Variants in GRM1 observed in about 807,000 individuals in gnomAD.
The protein encoded by GRM1 is glutamate metabotropic receptor 1.
A neutral mutation model predicts 90.9 loss-of-function variants in GRM1; 33 were observed. That is an observed-to-expected ratio of 0.36 (90% CI 0.28 to 0.49). GRM1 has a LOEUF of 0.49. Among genes scored for constraint, GRM1 ranks in the 20% least tolerant of loss-of-function variants. GRM1 has a pLI of 0.99. For synonymous variants in GRM1, 700 were observed against 613.2 expected (o/e 1.14, Z -2.09); for missense variants, 1,190 against 1,534.3 (o/e 0.78, Z 3.75).
chr6:146,203,126 G>A (rs1583159510), intron 2 of GRM1, among the ~76,000 whole-genome samples: 1 of 151,758 alleles, frequency 6.6e-6, no homozygotes, highest in Non-Finnish European at 1.5e-5. Flanking sequence ...CCCGGGAGGC[G>A]GAGCTTGCAG....
chr6:146,366,567 C>G (rs1775698112), intron 5 of GRM1, among the ~76,000 whole-genome samples: 1 of 152,126 alleles, frequency 6.6e-6, no homozygotes. Flanking sequence ...ACTTTTAAAA[C>G]TCCCACATAT....
chr6:146,249,354 G>A (rs1781190388), intron 2 of GRM1, among the ~76,000 whole-genome samples: 4 of 152,142 alleles, frequency 2.6e-5, no homozygotes, highest in Admixed American at 2.6e-4. Context: ...TTCATGGGAT[G>A]GGCCCATGAC....
In GRM1 at chr6:146,029,123, CA is replaced by C. The variant is rs1163643158; in HGVS notation, c.-394del. 3.2e-5 allele frequency: 10 copies of C among 315,814 alleles called. No homozygotes were observed. Among genetic ancestry groups the C allele is most frequent in the Middle Eastern group, 1.1e-3 (1 of 918 alleles). The allele number at this position is 315,814 out of a possible 1,614,324, so 19.6% of individuals were successfully genotyped here. A position where few individuals can be genotyped will look rare whatever the true frequency, so the allele number is the denominator to read the frequency against. On this transcript the variant is annotated 5_prime_UTR_variant, in exon 1 of 8. It introduces an in-frame stop codon into an upstream open reading frame of the 5' UTR. Transcript: ENST00000282753. ...ATGAAACGGACAAGGCAACTGTTAA[CA>C]TTATAGACCCCAGAGTTTTAACACA...
Position 146,072,149 on chromosome 6 carries a change from G to T in GRM1, c.700+41932G>T, listed in dbSNP as rs139075951. On this transcript the variant is annotated intron_variant, in intron 1 of 7. Transcript: ENST00000282753. ...CCTGAGGAAGCAGTGGTGTTGCTCT[G>T]GTTGATAATCTGCATTCTTTGTATC... 1.3e-3 allele frequency among the ~76,000 whole-genome samples: 201 copies of T among 152,252 alleles called. 2 individuals carry two copies. Among genetic ancestry groups the T allele is most frequent in the African/African-American group, 4.7e-3 (195 of 41,560 alleles).
chr6:146,194,479 C>G (rs374898858), intron 2 of GRM1, among the ~76,000 whole-genome samples: 12 of 152,198 alleles, frequency 7.9e-5, no homozygotes, highest in Admixed American at 5.2e-4. Flanking sequence ...ACATCAGGGG[C>G]AACTTTTGCA....
chr6:146,190,794 T>C (rs1583139840), intron 2 of GRM1, among the ~76,000 whole-genome samples: 2 of 152,190 alleles, frequency 1.3e-5, no homozygotes, highest in Non-Finnish European at 2.9e-5. Flanking sequence ...AACCTCCTAA[T>C]TGACTTTCTT....
At chr6:146,329,083 G>T (rs977010237) in intron 3 of GRM1, among the ~76,000 whole-genome samples, 1 of 152,122 alleles carries the variant, frequency 6.6e-6, no homozygotes, top group Non-Finnish European at 1.5e-5. Flanking sequence ...TCCTCCTGAG[G>T]AGTCTCTGTT....
chr6:146,044,108 G>C (rs1319771349), intron 1 of GRM1, among the ~76,000 whole-genome samples: 1 of 151,864 alleles, frequency 6.6e-6, no homozygotes, highest in Non-Finnish European at 1.5e-5. Context: ...GACCTGCCAT[G>C]AGGCTGTGTT....
At chr6:146,396,109 A>ATCGTC (rs1424052480) in intron 6 of GRM1, among the ~76,000 whole-genome samples, 2 of 46,364 alleles carry the variant, frequency 4.3e-5, no homozygotes, top group Non-Finnish European at 1.2e-4. Context: ...TCTATCGTCT[A>ATCGTC]TATATATATA....
chr6:146,358,198 C>T (rs546602705), intron 5 of GRM1, among the ~76,000 whole-genome samples: 2 of 152,112 alleles, frequency 1.3e-5, no homozygotes, highest in East Asian at 1.9e-4. Context: ...CAAAAGACAG[C>T]GTCCCCACTT....
chr6:146,160,596 A>G (rs1381363969), intron 2 of GRM1, among the ~76,000 whole-genome samples: 1 of 152,110 alleles, frequency 6.6e-6, no homozygotes, highest in African/African-American at 2.4e-5. Context: ...ACACCCATTA[A>G]AGAGCCTCAA....
At chr6:146,048,342 T>C (rs1196756684) in intron 1 of GRM1, among the ~76,000 whole-genome samples, 2 of 152,030 alleles carry the variant, frequency 1.3e-5, no homozygotes, top group African/African-American at 4.8e-5. Context: ...TAGGAAGAGA[T>C]GCATGTTCTT....
intron 4 of GRM1, among the ~76,000 whole-genome samples, chr6:146,356,124 C>A (rs1037116272): frequency 6.6e-6 from 1 of 152,110 alleles, no homozygotes; most frequent in African/African-American, 2.4e-5. Flanking sequence ...TATGCCAGTA[C>A]AAAGTTGTTC....
intron 1 of GRM1, among the ~76,000 whole-genome samples, chr6:146,113,946 C>T (rs1415871769): frequency 6.6e-6 from 1 of 152,126 alleles, no homozygotes; most frequent in African/African-American, 2.4e-5. Flanking sequence ...GACAAGATTT[C>T]TTGCCCTAAA....
chr6:146,250,322 G>A (rs1413277092), intron 2 of GRM1, among the ~76,000 whole-genome samples: 1 of 152,148 alleles, frequency 6.6e-6, no homozygotes, highest in Non-Finnish European at 1.5e-5. Flanking sequence ...ATCTCAAATT[G>A]CAATCACCAT....
intron 1 of GRM1, among the ~76,000 whole-genome samples, chr6:146,087,872 T>G (rs1191050750): frequency 1.5e-4 from 23 of 152,168 alleles, no homozygotes; most frequent in Admixed American, 1.5e-3. Flanking sequence ...TACCAGTTTT[T>G]GGATATTACA....
intron 2 of GRM1, among the ~76,000 whole-genome samples, chr6:146,292,444 A>G (rs1339168123): frequency 1.3e-5 from 2 of 151,958 alleles, no homozygotes; most frequent in Non-Finnish European, 2.9e-5. Flanking sequence ...AACAAAATGC[A>G]ATTAAAAATA....
chr6:146,043,796 T>TAGAGAGATATAG (rs1554260532), intron 1 of GRM1, among the ~76,000 whole-genome samples: 7 of 137,940 alleles, frequency 5.1e-5, no homozygotes, highest in African/African-American at 1.8e-4. Context: ...TATATATATA[T>TAGAGAGATATAG]ATATATATAT....
Position 146,362,669 on chromosome 6 carries a change from A to C in GRM1, c.1602+4975A>C, listed in dbSNP as rs1381305518. ...GACAGAGCGAGACTCCATCTCAAAA[A>C]AAAAAAAAAAAAAAAAAGACATTTC... On this transcript the variant is annotated intron_variant, in intron 5 of 7. Coordinates refer to ENST00000282753, the MANE Select transcript of GRM1 (RefSeq NM_001278064.2). Among the ~76,000 whole-genome samples the C allele has an allele frequency of 8.0e-5, 12 of 150,728 alleles. 1 individual carries two copies. The highest frequency in any genetic ancestry group is 1.7e-4 in the African/African-American group (7 of 41,058).
Sources: allele counts gnomAD v4.1 joint callset (sites outside exome capture counted in the v4.1 genomes callset), GRCh38; gene constraint gnomAD v4.1.1; transcripts MANE v1.5; gene names NCBI Gene and HGNC (gene_info 2026-07-23, HGNC 2026-07-21).